The following ZEB2 variants were observed in gnomAD, a reference collection of about 807,000 sequenced individuals.
The protein encoded by ZEB2 is zinc finger E-box binding homeobox 2.
Under a neutral mutation model 99.9 loss-of-function variants are expected in ZEB2, and 6 were observed. The ratio of observed to expected loss-of-function variants is 0.06; its 90% CI spans 0.03 to 0.12. The LOEUF is 0.12. Ranked by LOEUF, ZEB2 falls within the 10% of genes least tolerant of loss-of-function variation. The pLI is 1.00. For synonymous variants in ZEB2, 517 were observed against 542.5 expected, an observed-to-expected ratio of 0.95 and a Z score of 0.65; for missense variants, 969 against 1,502.8, an observed-to-expected ratio of 0.64 and a Z score of 5.87.
chr2:144,421,224 G>A (rs560402870), intron 4 of ZEB2, among the ~76,000 whole-genome samples: 1 of 152,148 alleles, frequency 6.6e-6, no homozygotes, highest in Non-Finnish European at 1.5e-5. Flanking sequence ...GATCCATGGC[G>A]ATAAAGCAGC....
Position 144,389,809 on chromosome 2 carries a change from C to A in ZEB2, c.3287G>T (p.Arg1096Leu), listed in dbSNP as rs762526905. 2.5e-6 allele frequency: 4 copies of A among 1,612,040 alleles called. No homozygotes were observed. Among genetic ancestry groups the A allele is most frequent in the Non-Finnish European group, 3.4e-6 (4 of 1,178,622 alleles). The stretch of plus-strand genomic sequence containing the variant: ...GGTGGGTTCCAAGTGCCCTTTCTCG[C>A]GCGCCTCGCGCTCCGCCGCTTCCCG... ...EEREAAEREA[R>L]EKGHLEPTEL... Residue 1096 changes from arginine to leucine, a missense_variant, in exon 10 of 10, where the codon CGC becomes CTC. Arg to Leu is a moderately radical substitution (Grantham distance 102). Coordinates refer to ENST00000627532, the MANE Select transcript of ZEB2 (RefSeq NM_014795.4). The surrounding 1 kb of genome is among the most constrained non-coding windows in gnomAD (Gnocchi z 6.8).
chr2:144,401,950 C>T (rs1006843004), intron 6 of ZEB2, among the ~76,000 whole-genome samples: 2 of 152,162 alleles, frequency 1.3e-5, no homozygotes, highest in East Asian at 1.9e-4. Flanking sequence ...CCTGAGGTGT[C>T]GCCTATCAGA....
At chr2:144,414,024 G>A (rs1239345320) in intron 4 of ZEB2, among the ~76,000 whole-genome samples, 2 of 152,136 alleles carry the variant, frequency 1.3e-5, no homozygotes, top group Non-Finnish European at 2.9e-5. Context: ...TGCTGGCTAG[G>A]CTGCCAACCT....
intron 2 of ZEB2, among the ~76,000 whole-genome samples, chr2:144,431,673 A>G (rs1384041887): frequency 2.0e-5 from 3 of 151,988 alleles, no homozygotes; most frequent in African/African-American, 7.3e-5. Flanking sequence ...ATCTACAAAA[A>G]GAGAGATATT....
Position 144,401,149 on chromosome 2 carries a change from C to T in ZEB2, c.916+50G>A, listed in dbSNP as rs1167875799. On this transcript the variant is annotated intron_variant, in intron 7 of 9. Transcript: ENST00000627532. ...AATTTTAAACAATCTTTTAAAACTC[C>T]CCTAATTAAGTAAAATGCAAATGCG... The T allele has an allele frequency of 2.0e-6, 3 of 1,518,848 alleles. No individual in the cohort carries two copies. In the Admixed American group the frequency reaches 5.0e-5, roughly 25 times the overall value. The allele number at this position is 1,518,848 out of a possible 1,614,324, so 94.1% of individuals were successfully genotyped here.
chr2:144,477,927 T>C (rs1330197844), intron 2 of ZEB2, among the ~76,000 whole-genome samples: 2 of 152,186 alleles, frequency 1.3e-5, no homozygotes, highest in African/African-American at 4.8e-5. Context: ...TCCTAGAATC[T>C]ATTGCTTTTT....
intron 2 of ZEB2, among the ~76,000 whole-genome samples, chr2:144,441,164 CGAGAGAGAGAGA>C (rs113731061): frequency 2.6e-4 from 23 of 88,922 alleles, no homozygotes; most frequent in African/African-American, 6.2e-4. Flanking sequence ...TTTAGCTGCA[CGAGAGAGAGAGA>C]GAGAGAGAGA....
At chr2:144,466,978 C>A (rs894595207) in intron 2 of ZEB2, among the ~76,000 whole-genome samples, 3 of 152,072 alleles carry the variant, frequency 2.0e-5, no homozygotes, top group Non-Finnish European at 4.4e-5. Flanking sequence ...ATTTTCCTGC[C>A]GCGCAACAAT....
At chr2:144,515,383 C>A (rs1705115473) in intron 2 of ZEB2, among the ~76,000 whole-genome samples, 1 of 151,776 alleles carries the variant, frequency 6.6e-6, no homozygotes, top group Non-Finnish European at 1.5e-5. Context: ...AGAGGAAACA[C>A]AAGAGAGGAG....
chr2:144,393,989 T>C (rs1384739652), intron 9 of ZEB2, among the ~76,000 whole-genome samples: 3 of 152,190 alleles, frequency 2.0e-5, no homozygotes, highest in Non-Finnish European at 4.4e-5. Context: ...TGGCCTTATC[T>C]TGGCTCACTG....
chr2:144,517,705 C>A lies in ZEB2; in HGVS notation c.-69-286G>T, dbSNP rs1305907804. ...TCCTGACCGTATGAGGGAATGCACA[C>A]GGCGGTACAGTAAGACCGCTTGACT... On this transcript the variant is annotated intron_variant, in intron 1 of 9. Coordinates refer to ENST00000627532, the MANE Select transcript of ZEB2 (RefSeq NM_014795.4). 1.4e-5 allele frequency: 10 copies of A among 702,706 alleles called. No homozygotes were observed. In the South Asian group the frequency reaches 1.5e-4, roughly 10 times the overall value. The allele number at this position is 702,706 out of a possible 1,614,324, so 43.5% of individuals were successfully genotyped here. A position where few individuals can be genotyped will look rare whatever the true frequency, so the allele number is the denominator to read the frequency against.
At chr2:144,507,435 A>T (rs1311545485) in intron 2 of ZEB2, 4 of 152,244 alleles carry the variant, frequency 2.6e-5, no homozygotes. Context: ...ACTACTTCAA[A>T]TCTCAATCCC....
intron 3 of ZEB2, 194 bp downstream of exon 3, chr2:144,429,575 G>T (rs773048489): frequency 7.2e-6 from 6 of 833,194 alleles, no homozygotes; most frequent in Non-Finnish European, 1.1e-5. Context: ...CCCTTCCTAA[G>T]ATGTAACTGC....
In ZEB2 at chr2:144,398,770, A is replaced by AAGCTGTTTG; in HGVS notation, c.2408_2416dup (p.Ser805_Phe806insSerAsnSer). On this transcript the variant is annotated inframe_insertion, in exon 8 of 10. Transcript: ENST00000627532. ...CTCAGCCTGGAGCTCCTCAGAAGAGAAGCTGTTTGGAGTGTATGAACTACT... is the reference window on the plus strand; with the variant it reads ...CTCAGCCTGGAGCTCCTCAGAAGAGAAGCTGTTTGAGCTGTTTGGAGTGTATGAACTACT... The AAGCTGTTTG allele has an allele frequency of 6.2e-7, 1 of 1,614,092 alleles. No individual in the cohort carries two copies. Among genetic ancestry groups the AAGCTGTTTG allele is most frequent in the Non-Finnish European group, 8.5e-7 (1 of 1,179,998 alleles).
At chr2:144,427,222 A>C (rs1420552890) in intron 3 of ZEB2, 1 of 152,238 alleles carries the variant, frequency 6.6e-6, no homozygotes, top group African/African-American at 2.4e-5. Context: ...AGTCTGTGTC[A>C]ATGATAATGA....
chr2:144,476,682 C>T (rs1421495891), intron 2 of ZEB2, among the ~76,000 whole-genome samples: 4 of 152,178 alleles, frequency 2.6e-5, no homozygotes, highest in African/African-American at 7.2e-5. Flanking sequence ...GCTTACTTCT[C>T]TATATTTTTA....
rs1239977059 is a variant in ZEB2, at chr2:144,384,683, A to G, written c.*4768T>C. 1 of 152,000 alleles carries G rather than the reference A, an allele frequency of 6.6e-6. No homozygotes were observed. The highest frequency in any genetic ancestry group is 1.9e-4 in the East Asian group (1 of 5,178). The allele number at this position is 152,000 out of a possible 1,614,324, so 9.4% of individuals were successfully genotyped here. ...TGTCTAAAAAGTTTGTTTTGTCTGC[A>G]TGATTTACTAAATATGTACAATTTC... On this transcript the variant is annotated 3_prime_UTR_variant, in exon 10 of 10. Coordinates refer to ENST00000627532, the MANE Select transcript of ZEB2 (RefSeq NM_014795.4).
chr2:144,512,116 C>T (rs941635041), intron 2 of ZEB2: 38 of 1,287,044 alleles, frequency 3.0e-5, no homozygotes, highest in Middle Eastern at 6.5e-4. Flanking sequence ...GCACCATTGA[C>T]GTTATAAACA....
chr2:144,466,686 T>C (rs1192090558), intron 2 of ZEB2, among the ~76,000 whole-genome samples: 1 of 152,198 alleles, frequency 6.6e-6, no homozygotes, highest in African/African-American at 2.4e-5. Flanking sequence ...AGGACTATTA[T>C]ACCGTAACAA....
Sources: allele counts gnomAD v4.1 joint callset (sites outside exome capture counted in the v4.1 genomes callset), GRCh38; gene constraint gnomAD v4.1.1; non-coding constraint Gnocchi (gnomAD v3.1); transcripts MANE v1.5; gene names NCBI Gene and HGNC (gene_info 2026-07-23, HGNC 2026-07-21).